PCDHGC4: variants seen among roughly 807,000 people sequenced by gnomAD.
The protein encoded by PCDHGC4 is protocadherin gamma-C4.
A neutral mutation model predicts 59.7 loss-of-function variants in PCDHGC4; 15 were observed. That is an observed-to-expected ratio of 0.25 (90% CI 0.17 to 0.39). PCDHGC4 has a LOEUF of 0.39. Ranked by LOEUF, PCDHGC4 falls within the 10% of genes least tolerant of loss-of-function variation. The pLI is 1.00. For missense variants in PCDHGC4, 1,016 were observed against 1,189.5 expected, an observed-to-expected ratio of 0.85 and a Z score of 2.15; for synonymous variants, 434 against 481.4, an observed-to-expected ratio of 0.90 and a Z score of 1.29.
rs768132114 is a variant in PCDHGC4 at position 141,489,845 on chromosome 5, G to A, written c.2442+2230G>A. 5 of 1,614,188 alleles carry A rather than the reference G, an allele frequency of 3.1e-6. No homozygotes were observed. The highest frequency in any genetic ancestry group is 2.2e-5 in the South Asian group (2 of 91,088). On this transcript the variant is annotated intron_variant, in intron 1 of 3. Transcript: ENST00000306593. This position sits in a 1 kb window ranked among gnomAD's most constrained non-coding sequence, Gnocchi z 4.5. ...CTGGTGCTAGAGCAGCAGCTGGATC[G>A]TGAAGCCCAGGCAAGACATCAGCTG...
chr5:141,507,781 C>A (rs2099863256), intron 3 of PCDHGC4, among the ~76,000 whole-genome samples: 1 of 152,214 alleles, frequency 6.6e-6, no homozygotes, highest in South Asian at 2.1e-4. Flanking sequence ...CAGGGCCTGA[C>A]CCTCGTCTAA....
At position 141,486,383 on chromosome 5, in the gene PCDHGC4, C is replaced by A. The variant is rs757384186; in HGVS notation, c.1210C>A (p.Gln404Lys). Residue 404 changes from glutamine (Q) to lysine (K), a missense_variant, in exon 1 of 4, where the codon CAG (glutamine) becomes AAG (lysine). Transcript: ENST00000306593. The surrounding 1 kb of genome is among the most constrained non-coding windows in gnomAD (Gnocchi z 5.0). ...TGCCCTCAAGTCTGCCTTCAGGAAC[C>A]AGTTCTCCCTGGTGACTGCTGGACC... ...PFALKSAFRN[Q>K]FSLVTAGPLD... is the part of the protein sequence containing the mutation. The A allele has an allele frequency of 6.2e-7, 1 of 1,614,040 alleles. No homozygotes were observed. Among genetic ancestry groups the A allele is most frequent in the East Asian group, 2.2e-5 (1 of 44,884 alleles).
intron 2 of PCDHGC4, among the ~76,000 whole-genome samples, chr5:141,502,002 C>T (rs1434269040): frequency 1.3e-5 from 2 of 152,164 alleles, no homozygotes; most frequent in South Asian, 2.1e-4. Context: ...CCTGACAACC[C>T]GCATGCTCTC....
intron 1 of PCDHGC4, among the ~76,000 whole-genome samples, chr5:141,492,869 A>G (rs975868829): frequency 6.6e-6 from 1 of 152,010 alleles, no homozygotes; most frequent in African/African-American, 2.4e-5. Context: ...CTGGCTCTCA[A>G]CCCCCAGAGA....
At position 141,490,076 on chromosome 5, in the gene PCDHGC4, A is replaced by G. The variant is rs1025569516; in HGVS notation, c.2442+2461A>G. 2.5e-6 allele frequency: 4 copies of G among 1,614,240 alleles called. No homozygotes were observed. The highest frequency in any genetic ancestry group is 1.3e-5 in the African/African-American group (1 of 75,070). Reference sequence around the variant, plus strand: ...GAGGGCACCAACGGCCAACTAGACTATTCTTTTGGAGACCACACATCTGAG... The same window carrying G: ...GAGGGCACCAACGGCCAACTAGACTGTTCTTTTGGAGACCACACATCTGAG... On this transcript the variant is annotated intron_variant, in intron 1 of 3. Coordinates refer to ENST00000306593, the MANE Select transcript of PCDHGC4 (RefSeq NM_018928.3). The surrounding 1 kb of genome is among the most constrained non-coding windows in gnomAD (Gnocchi z 5.4).
intron 2 of PCDHGC4, among the ~76,000 whole-genome samples, chr5:141,497,642 C>T (rs1426920174): frequency 1.3e-5 from 2 of 151,352 alleles, no homozygotes; most frequent in Middle Eastern, 3.4e-3. Context: ...CAGGTTCAAG[C>T]GATTCTCCTG....
chr5:141,501,544 G>T (rs1297191346), intron 2 of PCDHGC4, among the ~76,000 whole-genome samples: 3 of 151,962 alleles, frequency 2.0e-5, no homozygotes, highest in African/African-American at 7.3e-5. Flanking sequence ...TTGTGCATAA[G>T]ATCATAGGCC....
At chr5:141,507,704 G>A (rs989196400) in intron 3 of PCDHGC4, among the ~76,000 whole-genome samples, 5 of 152,210 alleles carry the variant, frequency 3.3e-5, no homozygotes, top group African/African-American at 9.6e-5. Context: ...AGTATTTATG[G>A]CCCCAAACCC....
Position 141,489,323 on chromosome 5 carries a change from C to T in PCDHGC4, c.2442+1708C>T, listed in dbSNP as rs746520513. 1 of 1,601,632 alleles carries T rather than the reference C, an allele frequency of 6.2e-7. No individual in the cohort carries two copies. Among genetic ancestry groups the T allele is most frequent in the Non-Finnish European group, 8.5e-7 (1 of 1,172,950 alleles). ...TCCTTGTGCTGCTGGGGCTGGGTGT[C>T]TGGGCAGCTTCGTTACTCAGTGGTG... On this transcript the variant is annotated intron_variant, in intron 1 of 3. Coordinates refer to ENST00000306593, the MANE Select transcript of PCDHGC4 (RefSeq NM_018928.3). The surrounding 1 kb of genome is among the most constrained non-coding windows in gnomAD (Gnocchi z 4.5).
chr5:141,501,715 C>G lies in PCDHGC4; in HGVS notation c.2502-3678C>G, dbSNP rs139761188. On this transcript the variant is annotated intron_variant, in intron 2 of 3. Coordinates refer to ENST00000306593, the MANE Select transcript of PCDHGC4 (RefSeq NM_018928.3). ...AGGGTGATTCCGAGGATAAAAAAGA[C>G]AAATATATTACCCAGTCAGCTTAGA... 1.3e-3 allele frequency among the ~76,000 whole-genome samples: 192 copies of G among 152,192 alleles called. 1 individual carries two copies. The highest frequency in any genetic ancestry group is 4.5e-3 in the African/African-American group (185 of 41,512).
At chr5:141,497,478 C>A (rs974494984) in intron 2 of PCDHGC4, among the ~76,000 whole-genome samples, 1 of 150,954 alleles carries the variant, frequency 6.6e-6, no homozygotes, top group African/African-American at 2.4e-5. Flanking sequence ...GGAGAAGGTG[C>A]GGAACCTCTC....
At position 141,494,934 on chromosome 5, in the gene PCDHGC4, T is replaced by C. The variant is rs2099757666; in HGVS notation, c.2501+69T>C. On this transcript the variant is annotated intron_variant, in intron 2 of 3. Transcript: ENST00000306593. ...TTCTCAGGGATGACGTGGGAGGAGA[T>C]GGGGGAGGGCCCAGCATTTGCTACA... 5.6e-6 allele frequency: 9 copies of C among 1,612,736 alleles called. No individual in the cohort carries two copies. The South Asian group carries it at 7.7e-5, about 14-fold the overall frequency.
At chr5:141,498,796 G>A (rs1160540093) in intron 2 of PCDHGC4, among the ~76,000 whole-genome samples, 1 of 152,032 alleles carries the variant, frequency 6.6e-6, no homozygotes, top group Non-Finnish European at 1.5e-5. Context: ...AGCCAGGTGT[G>A]GTGGTGCACA....
rs200580042 is a variant in PCDHGC4 at position 141,486,553 on chromosome 5, T to C, written c.1380T>C (p.His460=). 5.4e-5 allele frequency: 87 copies of C among 1,614,028 alleles called. No individual in the cohort carries two copies. The highest frequency in any genetic ancestry group is 7.2e-5 in the Non-Finnish European group (85 of 1,180,046). Residue 460 remains histidine, a synonymous_variant, in exon 1 of 4, where the codon CAT becomes CAC. Coordinates refer to ENST00000306593, the MANE Select transcript of PCDHGC4 (RefSeq NM_018928.3). The surrounding 1 kb of genome is among the most constrained non-coding windows in gnomAD (Gnocchi z 5.0). ...CACCCTCTTTCTTTCAGAGGTCACA[T>C]GAGGTGTTTGTTCCTGAGAACAATC... ...DNPPSFFQRS[H]EVFVPENNRP...
rs1485715812 is a variant in PCDHGC4, at chr5:141,485,804, G to T, written c.631G>T (p.Val211Leu). The T allele has an allele frequency of 6.2e-7, 1 of 1,614,218 alleles. No individual in the cohort carries two copies. The highest frequency in any genetic ancestry group is 1.7e-5 in the Admixed American group (1 of 60,026). ...AGAGAAGCAATCGGACTACCGCCTG[G>T]TGCTGACTGCTGTCGATGGAGGGAA... ...DREKQSDYRL[V>L]LTAVDGGNPP... is the part of the protein sequence containing the mutation. The change falls in exon 1 of 4, where the codon GTG becomes TTG. Residue 211 changes from valine to leucine, a missense_variant. Coordinates refer to ENST00000306593, the MANE Select transcript of PCDHGC4 (RefSeq NM_018928.3). This position sits in a 1 kb window ranked among gnomAD's most constrained non-coding sequence, Gnocchi z 5.7.
At chr5:141,496,928 G>A (rs2099772685) in intron 2 of PCDHGC4, among the ~76,000 whole-genome samples, 1 of 151,334 alleles carries the variant, frequency 6.6e-6, no homozygotes, top group Non-Finnish European at 1.5e-5. Context: ...GTTCACGCCT[G>A]TAATCCCAGC....
At chr5:141,495,379 C>T (rs989240656) in intron 2 of PCDHGC4, among the ~76,000 whole-genome samples, 3 of 152,208 alleles carry the variant, frequency 2.0e-5, no homozygotes, top group Non-Finnish European at 4.4e-5. Context: ...TGAGGAAGGA[C>T]TGGGCGGGGC....
Position 141,489,902 on chromosome 5 carries a change from C to A in PCDHGC4, c.2442+2287C>A. ...ACTGCTGTGGATGGGGGGACCCCAGCCCGCTCAGGGACCACCCTTATCTCT... is the reference window on the plus strand; with the variant it reads ...ACTGCTGTGGATGGGGGGACCCCAGACCGCTCAGGGACCACCCTTATCTCT... On this transcript the variant is annotated intron_variant, in intron 1 of 3. Transcript: ENST00000306593. The surrounding 1 kb of genome is among the most constrained non-coding windows in gnomAD (Gnocchi z 4.5). 1 of 1,614,218 alleles carries A rather than the reference C, an allele frequency of 6.2e-7. No individual in the cohort carries two copies. The highest frequency in any genetic ancestry group is 8.5e-7 in the Non-Finnish European group (1 of 1,180,032).
Position 141,491,717 on chromosome 5 carries a change from C to A in PCDHGC4, c.2443-3090C>A. ...CGGAGCCAGGTGAGGGGCTCGGCGC[C>A]GCCCCGGGCGACCCCTGGGGGCGGC... On this transcript the variant is annotated intron_variant, in intron 1 of 3. Coordinates refer to ENST00000306593, the MANE Select transcript of PCDHGC4 (RefSeq NM_018928.3). The surrounding 1 kb of genome is among the most constrained non-coding windows in gnomAD (Gnocchi z 6.9). 1 of 1,607,940 alleles carries A rather than the reference C, an allele frequency of 6.2e-7. No individual in the cohort carries two copies. Among genetic ancestry groups the A allele is most frequent in the Middle Eastern group, 1.7e-4 (1 of 6,010 alleles).
Sources: allele counts gnomAD v4.1 joint callset (sites outside exome capture counted in the v4.1 genomes callset), GRCh38; gene constraint gnomAD v4.1.1; non-coding constraint Gnocchi (gnomAD v3.1); transcripts MANE v1.5; gene names NCBI Gene and HGNC (gene_info 2026-07-23, HGNC 2026-07-21).